Variants in CPNE8 observed in about 807,000 individuals in gnomAD.
CPNE8 encodes the protein copine 8, also known as copine-8.
In CPNE8, 45 loss-of-function variants were observed where a neutral mutation model predicts 81.5. The ratio of observed to expected loss-of-function variants is 0.55; its 90% confidence interval spans 0.44 to 0.71. The LOEUF is 0.71. CPNE8 is among the 30% of genes least tolerant of loss of function. The pLI, the probability that CPNE8 is intolerant of heterozygous loss-of-function variation, is 0.00. For synonymous variants in CPNE8, 252 were observed against 226.3 expected (o/e 1.11, Z -1.02); for missense variants, 594 against 672.1 (o/e 0.88, Z 1.28).
intron 8 of CPNE8, among the ~76,000 whole-genome samples, chr12:38,764,820 G>C (rs921404797): frequency 2.6e-5 from 4 of 152,056 alleles, no homozygotes; most frequent in African/African-American, 9.6e-5. Flanking sequence ...TATGGTGATA[G>C]ATACAGATAG....
intron 6 of CPNE8, among the ~76,000 whole-genome samples, chr12:38,794,941 A>G (rs931180295): frequency 6.6e-6 from 1 of 152,180 alleles, no homozygotes; most frequent in Non-Finnish European, 1.5e-5. Flanking sequence ...TGGCTAGAAT[A>G]AAGCAGGCAA....
intron 3 of CPNE8, among the ~76,000 whole-genome samples, chr12:38,852,463 G>T (rs191592832): frequency 2.0e-5 from 3 of 149,470 alleles, no homozygotes; most frequent in African/African-American, 4.9e-5. Flanking sequence ...TTAGCCAGGC[G>T]TGGTGGCGCA....
chr12:38,784,436 CAGG>C (rs1942128585), intron 6 of CPNE8, among the ~76,000 whole-genome samples: 1 of 152,118 alleles, frequency 6.6e-6, no homozygotes, highest in African/African-American at 2.4e-5. Flanking sequence ...AAAAAAGAGA[CAGG>C]AGGAGTAGAA....
chr12:38,691,292 CT>C (rs1939670212), intron 15 of CPNE8, among the ~76,000 whole-genome samples: 1 of 152,072 alleles, frequency 6.6e-6, no homozygotes, highest in South Asian at 2.1e-4. Flanking sequence ...TATACAACTC[CT>C]GGGTGCACTT....
At chr12:38,783,338 G>C (rs755002304) in intron 6 of CPNE8, among the ~76,000 whole-genome samples, 2 of 152,082 alleles carry the variant, frequency 1.3e-5, no homozygotes, top group African/African-American at 2.4e-5. Flanking sequence ...CACAGTACCT[G>C]GCTTTAACTT....
At chr12:38,906,696 A>G, upstream of CPNE8, 2 of 734,644 alleles carry the variant, frequency 2.7e-6, no homozygotes, top group Non-Finnish European at 1.7e-6. Flanking sequence ...ATCCGGAGGT[A>G]GACGAGGCGC....
intron 6 of CPNE8, among the ~76,000 whole-genome samples, chr12:38,821,953 T>C (rs1301491139): frequency 6.6e-6 from 1 of 152,200 alleles, no homozygotes; most frequent in Non-Finnish European, 1.5e-5. Flanking sequence ...ATTCCTTCTA[T>C]CTTTGGCCTT....
chr12:38,682,830 T>C (rs1417804776), intron 16 of CPNE8, among the ~76,000 whole-genome samples: 1 of 152,120 alleles, frequency 6.6e-6, no homozygotes, highest in Admixed American at 6.5e-5. Flanking sequence ...AATGTGGAAA[T>C]GAGGTTGGAT....
At chr12:38,727,513 G>C (rs974291444) in intron 11 of CPNE8, among the ~76,000 whole-genome samples, 3 of 152,114 alleles carry the variant, frequency 2.0e-5, no homozygotes, top group Non-Finnish European at 4.4e-5. Context: ...GTCTTTTCTA[G>C]AGAATTGTCA....
chr12:38,676,027 G>T (rs1205789270), intron 17 of CPNE8: 1 of 159,484 alleles, frequency 6.3e-6, no homozygotes, highest in Admixed American at 6.7e-5. Flanking sequence ...GAGGTGGAGG[G>T]ATCACCTGGG....
At chr12:38,724,322 GA>G (rs1409882242) in intron 12 of CPNE8, among the ~76,000 whole-genome samples, 6 of 151,440 alleles carry the variant, frequency 4.0e-5, no homozygotes, top group Non-Finnish European at 8.8e-5. Context: ...TTTACCTTAA[GA>G]AAAAACTCTG....
At chr12:38,849,871 A>G (rs1943619089) in intron 3 of CPNE8, among the ~76,000 whole-genome samples, 1 of 152,220 alleles carries the variant, frequency 6.6e-6, no homozygotes, top group African/African-American at 2.4e-5. Flanking sequence ...ATTACTTTCA[A>G]TATTTACTAT....
intron 1 of CPNE8, among the ~76,000 whole-genome samples, chr12:38,875,029 G>A (rs532492394): frequency 1.2e-4 from 19 of 152,126 alleles, no homozygotes; most frequent in African/African-American, 3.6e-4. Flanking sequence ...TTACGGTTTC[G>A]GAATTTAAGA....
At chr12:38,787,337 A>G (rs1311560089) in intron 6 of CPNE8, among the ~76,000 whole-genome samples, 1 of 152,102 alleles carries the variant, frequency 6.6e-6, no homozygotes, top group Non-Finnish European at 1.5e-5. Context: ...GAAAATTTAA[A>G]ATATGCTCCT....
rs566075338 is a variant in CPNE8 at position 38,718,118 on chromosome 12, G to T, written c.914+5654C>A. 2.0e-5 allele frequency among the ~76,000 whole-genome samples: 3 copies of T among 151,660 alleles called. No individual in the cohort carries two copies. The East Asian group carries it at 5.8e-4, about 29-fold the overall frequency. ...AATATGCCCTCTAATGCATTAGTTT[G>T]GGTGGTTTGGTTGATGATAGCCCAA... is the stretch of plus-strand genomic sequence containing the variant. On this transcript the variant is annotated intron_variant, in intron 13 of 19. Transcript: ENST00000331366.
At chr12:38,806,913 C>T (rs775030887) in intron 6 of CPNE8, among the ~76,000 whole-genome samples, 6 of 150,994 alleles carry the variant, frequency 4.0e-5, no homozygotes, top group East Asian at 2.0e-4. Flanking sequence ...TCTCAGGATA[C>T]AAAATCAATG....
chr12:38,755,636 T>C (rs988249022), intron 10 of CPNE8, among the ~76,000 whole-genome samples: 3 of 152,228 alleles, frequency 2.0e-5, no homozygotes, highest in African/African-American at 7.2e-5. Context: ...GGAATGATTT[T>C]AGCATTGTGG....
chr12:38,801,430 T>C (rs1942666839), intron 6 of CPNE8, among the ~76,000 whole-genome samples: 1 of 39,708 alleles, frequency 2.5e-5, no homozygotes, highest in African/African-American at 1.3e-4. Flanking sequence ...GAAGGAGAAA[T>C]AAAATACTTT....
chr12:38,777,964 G>C (rs944239518), intron 6 of CPNE8, among the ~76,000 whole-genome samples: 1 of 152,154 alleles, frequency 6.6e-6, no homozygotes, highest in Non-Finnish European at 1.5e-5. Context: ...AGGGACCTAA[G>C]TTGCATATGC....
Sources: gnomAD v4.1 joint callset for allele counts (sites outside exome capture counted in the v4.1 genomes callset) on GRCh38, gnomAD v4.1.1 for gene constraint, MANE v1.5 for transcripts, NCBI Gene and HGNC (gene_info 2026-07-23, HGNC 2026-07-21) for gene names.